Variants in DDX42 observed in about 807,000 individuals in gnomAD.
The protein encoded by DDX42 is DEAD-box helicase 42, also known as ATP-dependent RNA helicase DDX42.
Under a neutral mutation model 101.5 loss-of-function variants are expected in DDX42, and 22 were observed. The observed-to-expected ratio is 0.22, with a 90% confidence interval of 0.15 to 0.31. The LOEUF is 0.31. Ranked by LOEUF, DDX42 falls within the 10% of genes least tolerant of loss-of-function variation. DDX42 has a pLI of 1.00. For synonymous variants in DDX42, 402 were observed against 401.2 expected (o/e 1.00, Z -0.02); for missense variants, 849 against 1,199.9 (o/e 0.71, Z 4.32).
At chr17:63,794,219 C>A (rs2039664779) in intron 3 of DDX42, among the ~76,000 whole-genome samples, 1 of 152,052 alleles carries the variant, frequency 6.6e-6, no homozygotes, top group Non-Finnish European at 1.5e-5. Context: ...AAATATGTTT[C>A]TTTTCATGTT....
intron 1 of DDX42, among the ~76,000 whole-genome samples, chr17:63,780,458 T>G (rs562925257): frequency 7.2e-5 from 11 of 152,222 alleles, no homozygotes; most frequent in Non-Finnish European, 1.6e-4. Context: ...GGATGAATTT[T>G]GGAGAGCCTG....
At chr17:63,817,015 G>T (rs766827956) in intron 17 of DDX42, 49 bp downstream of exon 17, 31 of 1,547,204 alleles carry the variant, frequency 2.0e-5, no homozygotes, top group Non-Finnish European at 4.4e-6. Context: ...TAACTCTTGG[G>T]CAGTGACAGA....
intron 14 of DDX42, 64 bp from the exon 15 acceptor site, chr17:63,813,164 C>T: frequency 6.9e-7 from 1 of 1,453,604 alleles, no homozygotes; most frequent in Non-Finnish European, 9.3e-7. Context: ...ACTAGCATTT[C>T]TGGTTACTTT....
chr17:63,804,473 T>G (rs773575176), intron 6 of DDX42, among the ~76,000 whole-genome samples: 1 of 152,172 alleles, frequency 6.6e-6, no homozygotes, highest in Non-Finnish European at 1.5e-5. Flanking sequence ...AGAATAGAAC[T>G]CCCTCTAAAA....
At chr17:63,810,823 T>G (rs989054818) in intron 12 of DDX42, among the ~76,000 whole-genome samples, 2 of 152,228 alleles carry the variant, frequency 1.3e-5, no homozygotes, top group African/African-American at 4.8e-5. Context: ...GTAGAAGCAG[T>G]GTACAGTACA....
chr17:63,796,784 A>G (rs1224664300), intron 3 of DDX42, among the ~76,000 whole-genome samples: 1 of 152,184 alleles, frequency 6.6e-6, no homozygotes, highest in African/African-American at 2.4e-5. Flanking sequence ...TCTTCAGTTT[A>G]TAGTCTTAAA....
chr17:63,789,294 G>A (rs1233396979), intron 2 of DDX42, among the ~76,000 whole-genome samples: 3 of 151,876 alleles, frequency 2.0e-5, no homozygotes, highest in South Asian at 4.2e-4. Flanking sequence ...GGCCAGGCTG[G>A]CCTCGAACTC....
intron 17 of DDX42, 67 bp downstream of exon 17, chr17:63,817,033 A>G (rs1302287579): frequency 2.1e-6 from 3 of 1,404,046 alleles, no homozygotes; most frequent in Non-Finnish European, 3.0e-6. Flanking sequence ...AGAGGGGCTT[A>G]GTTTTCCTGG....
At position 63,815,650 on chromosome 17, in the gene DDX42, C is replaced by T; in HGVS notation, c.1990C>T (p.Pro664Ser). Residue 664 changes from proline to serine, a missense_variant, in exon 16 of 18, where the codon CCT (proline) becomes TCT (serine). Around this residue, in one of 5 missense-constraint regions of DDX42, gnomAD observed 86 missense variants for 160.8 expected, o/e 0.53. Transcript: ENST00000389924. The stretch of plus-strand genomic sequence containing the variant: ...AGGAGGCCTAGGCTACAGGGAGCGG[C>T]CTGGCCTGGGCTCTGAGAACATGGT... Reference protein sequence around the residue: ...GGGGLGYRERPGLGSENMDRG... With the variant: ...GGGGLGYRERSGLGSENMDRG... 6.2e-7 allele frequency: 1 copy of T among 1,613,818 alleles called. No individual in the cohort carries two copies. Among genetic ancestry groups the T allele is most frequent in the Non-Finnish European group, 8.5e-7 (1 of 1,179,824 alleles).
chr17:63,789,541 A>C (rs1374939367), intron 2 of DDX42, among the ~76,000 whole-genome samples: 1 of 137,394 alleles, frequency 7.3e-6, no homozygotes, highest in East Asian at 2.1e-4. Context: ...AAAGCTTCTA[A>C]AAGACTTTTT....
chr17:63,809,652 G>A lies in DDX42; in HGVS notation c.1245G>A (p.Met415Ile). Reference sequence around the variant, plus strand: ...ATGAAGCAGATCGAATGTTTGACATGGGATTTGGTATGCCTTGAATACCAG... The same window carrying A: ...ATGAAGCAGATCGAATGTTTGACATAGGATTTGGTATGCCTTGAATACCAG... ...VFDEADRMFDMGFEYQVRSIA... is the reference protein window; with the variant it reads ...VFDEADRMFDIGFEYQVRSIA... Residue 415 changes from methionine (M) to isoleucine (I), a missense_variant, in exon 11 of 18, where the codon ATG becomes ATA. By Grantham distance (10) the Met-to-Ile change is conservative. Transcript: ENST00000389924. 1 of 1,613,704 alleles carries A rather than the reference G, an allele frequency of 6.2e-7. No individual in the cohort carries two copies. Among genetic ancestry groups the A allele is most frequent in the South Asian group, 1.1e-5 (1 of 91,074 alleles).
chr17:63,793,506 G>T (rs1395073989), intron 3 of DDX42, among the ~76,000 whole-genome samples: 1 of 152,060 alleles, frequency 6.6e-6, no homozygotes, highest in Non-Finnish European at 1.5e-5. Flanking sequence ...AGCCTCAAGT[G>T]ATCCTCTAGC....
chr17:63,776,569 A>G (rs2039423536), intron 1 of DDX42, among the ~76,000 whole-genome samples: 1 of 152,220 alleles, frequency 6.6e-6, no homozygotes, highest in Non-Finnish European at 1.5e-5. Context: ...CATATTGAAC[A>G]AGTACATTTT....
intron 1 of DDX42, among the ~76,000 whole-genome samples, chr17:63,783,739 A>C (rs185713152): frequency 9.9e-4 from 151 of 152,300 alleles, no homozygotes; most frequent in Non-Finnish European, 1.8e-3. Flanking sequence ...TAAGGGTCTA[A>C]GTAGAGATTG....
Position 63,802,330 on chromosome 17 carries a change from G to T in DDX42, c.621+1713G>T, listed in dbSNP as rs368237225. Among the ~76,000 whole-genome samples, 9 of 152,256 alleles carry T rather than the reference G, an allele frequency of 5.9e-5. No homozygotes were observed. The East Asian group carries it at 1.4e-3, about 23-fold the overall frequency. On this transcript the variant is annotated intron_variant, in intron 6 of 17. Coordinates refer to ENST00000389924, the MANE Select transcript of DDX42 (RefSeq NM_203499.3). The stretch of plus-strand genomic sequence containing the variant: ...GCATTTCTGTTGCATACCAAAATAT[G>T]ATAGCCATTTCAAGGAAAAGCACTT...
chr17:63,791,009 A>G (rs2039621746), intron 2 of DDX42, among the ~76,000 whole-genome samples: 1 of 152,244 alleles, frequency 6.6e-6, no homozygotes, highest in African/African-American at 2.4e-5. Context: ...TAGTGTGTAT[A>G]TATATGTATG....
intron 13 of DDX42, 121 bp from the exon 14 acceptor site, chr17:63,811,811 C>G: frequency 7.4e-7 from 1 of 1,348,914 alleles, no homozygotes; most frequent in Admixed American, 1.9e-5. Flanking sequence ...GCTGAAGGCC[C>G]AAGGAGAACT....
intron 2 of DDX42, among the ~76,000 whole-genome samples, chr17:63,790,862 T>C (rs1271700087): frequency 6.6e-6 from 1 of 151,540 alleles, no homozygotes; most frequent in Non-Finnish European, 1.5e-5. Context: ...ACCTGGGTGG[T>C]GGAGGTTGCA....
chr17:63,792,315 A>T (rs1387628956), intron 2 of DDX42, 97 bp from the exon 3 acceptor site: 4 of 1,336,042 alleles, frequency 3.0e-6, no homozygotes, highest in Non-Finnish European at 4.1e-6. Flanking sequence ...TACATCTCCT[A>T]ATAATAAGAT....
Sources: gnomAD v4.1 joint callset for allele counts (sites outside exome capture counted in the v4.1 genomes callset) on GRCh38, gnomAD v4.1.1 for gene constraint, gnomAD v4.1.1 regional missense constraint, MANE v1.5 for transcripts, NCBI Gene and HGNC (gene_info 2026-07-23, HGNC 2026-07-21) for gene names.